Variants in MARCO observed in about 807,000 individuals in gnomAD.
MARCO encodes the protein macrophage receptor MARCO.
Under a neutral mutation model 70.0 loss-of-function variants are expected in MARCO, and 72 were observed. The ratio of observed to expected loss-of-function variants is 1.03; its 90% confidence interval spans 0.85 to 1.25. MARCO has a LOEUF of 1.25. Ranked by LOEUF, MARCO falls within the 50% of genes most tolerant of loss-of-function variation. The pLI is 0.00. For missense variants in MARCO, 696 were observed against 659.3 expected (o/e 1.06, Z -0.61); for synonymous variants, 273 against 243.1 (o/e 1.12, Z -1.14).
intron 8 of MARCO, among the ~76,000 whole-genome samples, chr2:118,979,217 C>T (rs1355027994): frequency 6.6e-6 from 1 of 152,108 alleles, no homozygotes. Flanking sequence ...AATGGTCTTG[C>T]CCAGGGTGGT....
chr2:118,991,929 T>C, intron 14 of MARCO, 54 bp downstream of exon 14: 1 of 1,241,310 alleles, frequency 8.1e-7, no homozygotes, highest in Non-Finnish European at 1.1e-6. Context: ...TTACAGCCAG[T>C]TCTGTACCTT....
Position 118,993,156 on chromosome 2 carries a change from A to T in MARCO, c.1285A>T (p.Ser429Cys). Reference sequence around the variant, plus strand: ...CTCAGTGTCCGTCAGGATTGTCGGCAGTAGTAACCGAGGCCGGGCTGAAGT... The same window carrying T: ...CTCAGTGTCCGTCAGGATTGTCGGCTGTAGTAACCGAGGCCGGGCTGAAGT... The part of the protein sequence containing the change: ...ENSVSVRIVG[S>C]SNRGRAEVYY... The change falls in exon 16 of 17, where the codon AGT (serine) becomes TGT (cysteine). Residue 429 changes from serine to cysteine, a missense_variant. Physicochemically the swap from Ser to Cys is moderately radical, Grantham distance 112. Around this residue, in one of 3 missense-constraint regions of MARCO, gnomAD observed 605 missense variants for 537.6 expected, o/e 1.13. Transcript: ENST00000327097. 1.9e-6 allele frequency: 3 copies of T among 1,614,242 alleles called. No homozygotes were observed. The highest frequency in any genetic ancestry group is 2.5e-6 in the Non-Finnish European group (3 of 1,180,040).
rs147765028 is a variant in MARCO at position 118,966,845 on chromosome 2, A to G, written c.98-2315A>G. Among the ~76,000 whole-genome samples, 251 of 152,302 alleles carry G rather than the reference A, an allele frequency of 1.6e-3. 1 individual carries two copies. The South Asian group carries it at 0.02, about 12-fold the overall frequency. ...ATGACACTGTATTTGCCAATTTGCC[A>G]TCCACCACCTCGTGTTAAATGTGAG... On this transcript the variant is annotated intron_variant, in intron 1 of 16. Transcript: ENST00000327097.
chr2:118,979,738 A>T (rs1680354186), intron 8 of MARCO, among the ~76,000 whole-genome samples: 1 of 152,014 alleles, frequency 6.6e-6, no homozygotes, highest in Admixed American at 6.5e-5. Flanking sequence ...CTCTTCCCAA[A>T]TTTCCTCTCC....
intron 1 of MARCO, among the ~76,000 whole-genome samples, chr2:118,955,772 A>T (rs1481387542): frequency 6.6e-6 from 1 of 152,228 alleles, no homozygotes; most frequent in Non-Finnish European, 1.5e-5. Context: ...AAACCCTACA[A>T]GCTAGAAGGG....
rs888486328 is a variant in MARCO, at chr2:118,982,361, C to A, written c.1014C>A (p.Ser338Arg). 6.2e-7 allele frequency: 1 copy of A among 1,613,818 alleles called. No homozygotes were observed. Among genetic ancestry groups the A allele is most frequent in the East Asian group, 2.2e-5 (1 of 44,854 alleles). ...GSPGRAGLPG[S>R]PGSPGATGLK... ...TCTGTTGTCCAGGACTTCCAGGGAG[C>A]CCCGGGAGTCCAGGAGCCACAGGCC... Residue 338 changes from serine to arginine, a missense_variant, in exon 12 of 17, where the codon AGC (serine) becomes AGA (arginine). Coordinates refer to ENST00000327097, the MANE Select transcript of MARCO (RefSeq NM_006770.4).
At chr2:118,947,795 T>C (rs888378139) in intron 1 of MARCO, among the ~76,000 whole-genome samples, 1 of 152,238 alleles carries the variant, frequency 6.6e-6, no homozygotes, top group African/African-American at 2.4e-5. Flanking sequence ...AGTCTTCTTT[T>C]CAAAACTGCT....
At chr2:118,980,209 G>A (rs529679376) in intron 8 of MARCO, among the ~76,000 whole-genome samples, 9 of 152,326 alleles carry the variant, frequency 5.9e-5, no homozygotes, top group Non-Finnish European at 1.0e-4. Context: ...AACAGGTGCC[G>A]TTGGCCCCTT....
chr2:118,993,188 C>A lies in MARCO; in HGVS notation c.1317C>A (p.Tyr439Ter). The change falls in exon 16 of 17, where the codon TAC (tyrosine) becomes TAA (stop). Residue 439 changes from tyrosine to a stop codon, truncating the protein, a stop_gained. Transcript: ENST00000327097. LOFTEE classifies it high-confidence loss of function. ...ACCGAGGCCGGGCTGAAGTTTACTA[C>A]AGTGGTACCTGGGGGACAATTTGCG... is the stretch of plus-strand genomic sequence containing the variant. ...SSNRGRAEVYYSGTWGTICDD... is the reference protein window; with the variant it reads ...SSNRGRAEVY The A allele has an allele frequency of 6.2e-7, 1 of 1,614,180 alleles. No individual in the cohort carries two copies. The highest frequency in any genetic ancestry group is 1.1e-5 in the South Asian group (1 of 91,090).
chr2:118,952,242 A>G (rs537786938), intron 1 of MARCO, among the ~76,000 whole-genome samples: 1 of 152,114 alleles, frequency 6.6e-6, no homozygotes, highest in East Asian at 1.9e-4. Context: ...AACCCCTCAA[A>G]CCAGTGGGTG....
intron 7 of MARCO, 21 bp downstream of exon 7, chr2:118,977,536 T>C: frequency 6.2e-7 from 1 of 1,612,034 alleles, no homozygotes; most frequent in Non-Finnish European, 8.5e-7. Context: ...CTTGCTCTGC[T>C]AGGGACAAAT....
At chr2:118,960,826 G>A (rs750031652) in intron 1 of MARCO, among the ~76,000 whole-genome samples, 19 of 151,880 alleles carry the variant, frequency 1.3e-4, no homozygotes, top group Non-Finnish European at 7.4e-5. Context: ...TGCTGCACCC[G>A]TCAACCCATC....
chr2:118,971,444 C>T, intron 3 of MARCO, 55 bp from the exon 4 acceptor site: 4 of 1,584,646 alleles, frequency 2.5e-6, no homozygotes, highest in Non-Finnish European at 3.5e-6. Context: ...TCAGTTGGGG[C>T]TTGGGCCAAG....
intron 10 of MARCO, 73 bp from the exon 11 acceptor site, chr2:118,982,081 CAG>C: frequency 9.7e-7 from 1 of 1,031,882 alleles, no homozygotes; most frequent in Non-Finnish European, 1.4e-6. Context: ...CTGCTGAAAA[CAG>C]AAGCACTGGG....
At chr2:118,967,765 G>T (rs887654621) in intron 1 of MARCO, among the ~76,000 whole-genome samples, 1 of 152,140 alleles carries the variant, frequency 6.6e-6, no homozygotes, top group Non-Finnish European at 1.5e-5. Flanking sequence ...GATAGGAAAA[G>T]ATCTGAGGTT....
chr2:118,986,717 GAAAGA>G lies in MARCO; in HGVS notation c.1064-3864_1064-3860del, dbSNP rs1400306289. Among the ~76,000 whole-genome samples, 434 of 102,034 alleles carry G rather than the reference GAAAGA, an allele frequency of 4.3e-3. 60 individuals carry two copies. Among genetic ancestry groups the G allele is most frequent in the African/African-American group, 0.02 (400 of 20,458 alleles). 66.9% of individuals were successfully genotyped at this position (102,034 alleles called of 152,430 possible). The stretch of plus-strand genomic sequence containing the variant: ...AGAAAGAAAGAAAGAAAGAAAGAAA[GAAAGA>G]AAAGAAAGAAAGAAAGAGAAAGAAA... On this transcript the variant is annotated intron_variant, in intron 12 of 16. Transcript: ENST00000327097.
intron 12 of MARCO, among the ~76,000 whole-genome samples, chr2:118,983,682 G>A (rs896924491): frequency 1.3e-5 from 2 of 151,974 alleles, no homozygotes; most frequent in Non-Finnish European, 2.9e-5. Flanking sequence ...CATCTTCTCT[G>A]GTCCCCAGTC....
chr2:118,993,078 C>G (rs1680652382), intron 15 of MARCO, 46 bp from the exon 16 acceptor site: 1 of 1,580,940 alleles, frequency 6.3e-7, no homozygotes. Context: ...TACCCAAAGC[C>G]CCAAGGGGCC....
chr2:118,962,655 C>T (rs1442348144), intron 1 of MARCO, among the ~76,000 whole-genome samples: 6 of 151,950 alleles, frequency 3.9e-5, no homozygotes, highest in African/African-American at 9.7e-5. Context: ...GTGTTTCTTC[C>T]TTTTCTGTAA....
Sources: allele counts gnomAD v4.1 joint callset (sites outside exome capture counted in the v4.1 genomes callset), GRCh38; gene constraint gnomAD v4.1.1; regional missense constraint gnomAD v4.1.1; transcripts MANE v1.5; gene names NCBI Gene and HGNC (gene_info 2026-07-23, HGNC 2026-07-21).